Variants in RYR3 observed in about 807,000 individuals in gnomAD.
RYR3 encodes ryanodine receptor 3.
Under a neutral mutation model 584.3 loss-of-function variants are expected in RYR3, and 207 were observed. The ratio of observed to expected loss-of-function variants is 0.35; its 90% CI spans 0.32 to 0.40. The LOEUF (loss-of-function observed/expected upper bound fraction) is 0.40. Among genes scored for constraint, RYR3 ranks in the 10% least tolerant of loss-of-function variants. The probability of loss-of-function intolerance (pLI) is 1.00; values close to 1 mark genes in which losing one functional copy is unlikely to be tolerated. For missense variants in RYR3, 5,616 were observed against 6,089.2 expected (o/e 0.92, Z 2.59); for synonymous variants, 2,416 against 2,248.5 (o/e 1.07, Z -2.11).
At position 33,827,341 on chromosome 15, in the gene RYR3, A is replaced by G. The variant is rs1207077488; in HGVS notation, c.11334+54A>G. On this transcript the variant is annotated intron_variant, in intron 85 of 103. Coordinates refer to ENST00000634891, the MANE Select transcript of RYR3 (RefSeq NM_001036.6). Reference sequence around the variant, plus strand: ...CCTCTCACCTTTGCTTCCAGAAGATAAACACAGTTACACAGGGTCAGGGAC... The same window carrying G: ...CCTCTCACCTTTGCTTCCAGAAGATGAACACAGTTACACAGGGTCAGGGAC... 3 of 1,484,230 alleles carry G rather than the reference A, an allele frequency of 2.0e-6. No homozygotes were observed. In the African/African-American group the frequency reaches 4.2e-5, roughly 21 times the overall value. The allele number at this position is 1,484,230 out of a possible 1,614,324, so 91.9% of individuals were successfully genotyped here.
intron 38 of RYR3, among the ~76,000 whole-genome samples, chr15:33,693,623 C>A (rs953676732): frequency 1.3e-5 from 2 of 152,250 alleles, no homozygotes; most frequent in Non-Finnish European, 2.9e-5. Flanking sequence ...GGGGAAAGAT[C>A]TCTGTCACTT....
At chr15:33,625,280 C>T (rs1179803166) in intron 20 of RYR3, among the ~76,000 whole-genome samples, 2 of 152,192 alleles carry the variant, frequency 1.3e-5, no homozygotes, top group African/African-American at 2.4e-5. Context: ...TCCCAACAGG[C>T]CCTTCCCCCG....
At chr15:33,328,193 T>C (rs968265993) in intron 1 of RYR3, among the ~76,000 whole-genome samples, 1 of 152,222 alleles carries the variant, frequency 6.6e-6, no homozygotes, top group African/African-American at 2.4e-5. Flanking sequence ...ATAAGTTTAT[T>C]TGAAATCTGA....
At chr15:33,837,033 T>G in intron 88 of RYR3, 46 bp downstream of exon 88, 2 of 1,423,924 alleles carry the variant, frequency 1.4e-6, no homozygotes, top group Non-Finnish European at 2.0e-6. Flanking sequence ...CTGTAATTGG[T>G]CTGAGCACTA....
At position 33,820,746 on chromosome 15, in the gene RYR3, T is replaced by G. The variant is rs1214695856; in HGVS notation, c.10759-10T>G. 2 of 1,603,572 alleles carry G rather than the reference T, an allele frequency of 1.2e-6. No homozygotes were observed. The highest frequency in any genetic ancestry group is 2.3e-5 in the South Asian group (2 of 88,196). On this transcript the variant is annotated splice_polypyrimidine_tract_variant and intron_variant, in intron 77 of 103. Transcript: ENST00000634891. ...TCTGTCTTCTCCCTTCCCTGCTCCA[T>G]GAAATCCAGAGTTGTCAAAGTGGTG... is the stretch of plus-strand genomic sequence containing the variant.
At chr15:33,457,552 T>C (rs1386383014) in intron 1 of RYR3, among the ~76,000 whole-genome samples, 1 of 152,010 alleles carries the variant, frequency 6.6e-6, no homozygotes, top group Non-Finnish European at 1.5e-5. Flanking sequence ...AAGTAGAGTA[T>C]GGAATAGTGG....
intron 69 of RYR3, among the ~76,000 whole-genome samples, chr15:33,803,819 C>G (rs1389622734): frequency 6.6e-6 from 1 of 152,196 alleles, no homozygotes. Flanking sequence ...CCGGCCTTAT[C>G]TTCAAATTGG....
intron 1 of RYR3, among the ~76,000 whole-genome samples, chr15:33,330,532 C>T (rs1970258233): frequency 6.6e-6 from 1 of 152,162 alleles, no homozygotes; most frequent in African/African-American, 2.4e-5. Flanking sequence ...TCCTCTCCCC[C>T]AAAGTTTACC....
chr15:33,362,259 T>C (rs973366373), intron 1 of RYR3, among the ~76,000 whole-genome samples: 4 of 152,192 alleles, frequency 2.6e-5, no homozygotes, highest in African/African-American at 9.7e-5. Context: ...TTACCCTCCC[T>C]GTGATCCAAA....
chr15:33,555,941 G>A (rs909382145), intron 10 of RYR3, among the ~76,000 whole-genome samples: 17 of 152,114 alleles, frequency 1.1e-4, no homozygotes, highest in African/African-American at 3.9e-4. Context: ...AGGGCAATAC[G>A]AAGATCTCAA....
At chr15:33,753,543 C>T (rs1021362551) in intron 57 of RYR3, among the ~76,000 whole-genome samples, 2 of 152,016 alleles carry the variant, frequency 1.3e-5, no homozygotes, top group East Asian at 1.9e-4. Context: ...AATGAAAAGC[C>T]GGTGTTTTTA....
intron 1 of RYR3, among the ~76,000 whole-genome samples, chr15:33,391,018 T>C (rs1430883214): frequency 6.6e-6 from 1 of 152,206 alleles, no homozygotes; most frequent in East Asian, 1.9e-4. Flanking sequence ...ACTCCAGCTT[T>C]GAGTACAACT....
intron 1 of RYR3, among the ~76,000 whole-genome samples, chr15:33,376,609 C>T (rs893396971): frequency 6.6e-6 from 1 of 152,190 alleles, no homozygotes; most frequent in Non-Finnish European, 1.5e-5. Context: ...GACACAGTTG[C>T]GACTATAACA....
intron 62 of RYR3, among the ~76,000 whole-genome samples, chr15:33,770,762 A>G (rs954611154): frequency 2.6e-5 from 4 of 152,132 alleles, no homozygotes; most frequent in African/African-American, 7.2e-5. Context: ...AAGATAGCCC[A>G]TGAATACTTA....
intron 1 of RYR3, chr15:33,465,712 A>G (rs1331236132): frequency 9.6e-6 from 5 of 518,948 alleles, no homozygotes; most frequent in African/African-American, 5.8e-5. Context: ...AGGTGATTAC[A>G]ATAGTTGTGA....
At position 33,865,283 on chromosome 15, in the gene RYR3, C is replaced by T; in HGVS notation, c.*57C>T. The T allele has an allele frequency of 1.6e-6, 2 of 1,245,312 alleles. No homozygotes were observed. Among genetic ancestry groups the T allele is most frequent in the Admixed American group, 1.9e-5 (1 of 52,978 alleles). 77.1% of individuals were successfully genotyped at this position (1,245,312 alleles called of 1,614,324 possible). A position where few individuals can be genotyped will look rare whatever the true frequency, so the allele number is the denominator to read the frequency against. The stretch of plus-strand genomic sequence containing the variant: ...CAGTCAACTTCCCATGAAATAAAGT[C>T]CCCTTTTTACAGTTCTGCAACATAT... On this transcript the variant is annotated 3_prime_UTR_variant, in exon 104 of 104. Transcript: ENST00000634891.
chr15:33,663,690 C>T lies in RYR3; in HGVS notation c.5572C>T (p.Leu1858=). The part of the protein sequence containing the change: ...LMQALNMSAA[L]TARKTKEFRS... ...GCAGGCCCTGAACATGTCTGCGGCC[C>T]TGACTGCCCGGAAGACCAAGGAGTT... Residue 1858 remains leucine (L), a synonymous_variant, in exon 36 of 104, where the codon CTG becomes TTG. Transcript: ENST00000634891. 6.2e-7 allele frequency: 1 copy of T among 1,611,850 alleles called. No homozygotes were observed. The highest frequency in any genetic ancestry group is 1.3e-5 in the African/African-American group (1 of 75,014).
intron 99 of RYR3, 23 bp downstream of exon 99, chr15:33,857,937 GC>G: frequency 2.9e-6 from 4 of 1,379,592 alleles, no homozygotes; most frequent in Admixed American, 1.9e-5. Context: ...CCACTGCGGG[GC>G]CAGCCCACCC....
chr15:33,436,625 C>T (rs566794662), intron 1 of RYR3, among the ~76,000 whole-genome samples: 103 of 151,956 alleles, frequency 6.8e-4, no homozygotes, highest in African/African-American at 1.7e-3. Context: ...CTCAGGCTCC[C>T]AAGTAGCTGG....
Sources: allele counts gnomAD v4.1 joint callset (sites outside exome capture counted in the v4.1 genomes callset), GRCh38; gene constraint gnomAD v4.1.1; transcripts MANE v1.5; gene names NCBI Gene and HGNC (gene_info 2026-07-23, HGNC 2026-07-21).